The following SHROOM3 variants were observed in gnomAD, a reference collection of about 807,000 sequenced individuals.
SHROOM3 encodes shroom family member 3, also known as protein Shroom3.
A neutral mutation model predicts 138.6 loss-of-function variants in SHROOM3; 47 were observed. The observed-to-expected ratio is 0.34, with a 90% CI of 0.27 to 0.43. The LOEUF is 0.43. Ranked by LOEUF, SHROOM3 falls within the 20% of genes least tolerant of loss-of-function variation. The probability of loss-of-function intolerance (pLI) is 1.00; values close to 1 mark genes in which losing one functional copy is unlikely to be tolerated. For synonymous variants in SHROOM3, 1,062 were observed against 1,063.3 expected, an observed-to-expected ratio of 1.00 and a Z score of 0.02; for missense variants, 2,491 against 2,596.5, an observed-to-expected ratio of 0.96 and a Z score of 0.88.
At chr4:76,441,096 T>G (rs1454920228) in intron 1 of SHROOM3, among the ~76,000 whole-genome samples, 149 of 134,854 alleles carry the variant, frequency 1.1e-3, no homozygotes, top group African/African-American at 3.8e-3. Flanking sequence ...GTTTTTTTTT[T>G]TTTTTTTTTT....
chr4:76,499,453 T>G (rs1732044220), intron 1 of SHROOM3, among the ~76,000 whole-genome samples: 1 of 141,378 alleles, frequency 7.1e-6, no homozygotes, highest in Admixed American at 7.2e-5. Flanking sequence ...TAGAATAGGA[T>G]TTTAAAATGT....
intron 2 of SHROOM3, among the ~76,000 whole-genome samples, chr4:76,587,836 A>G (rs1734185012): frequency 6.6e-6 from 1 of 152,238 alleles, no homozygotes; most frequent in Non-Finnish European, 1.5e-5. Flanking sequence ...GTAGACACAA[A>G]GTGAATTTAT....
chr4:76,659,581 C>CATTT (rs375520866), intron 2 of SHROOM3, among the ~76,000 whole-genome samples: 11 of 152,046 alleles, frequency 7.2e-5, no homozygotes, highest in African/African-American at 1.7e-4. Context: ...CTTTCAGAAG[C>CATTT]ATTTATTTAT....
At chr4:76,638,037 A>T (rs1452919357) in intron 2 of SHROOM3, among the ~76,000 whole-genome samples, 1 of 152,160 alleles carries the variant, frequency 6.6e-6, no homozygotes, top group Non-Finnish European at 1.5e-5. Flanking sequence ...TATGAGCTGG[A>T]CACCTAAGAG....
At chr4:76,592,090 A>C (rs1734285487) in intron 2 of SHROOM3, among the ~76,000 whole-genome samples, 1 of 152,240 alleles carries the variant, frequency 6.6e-6, no homozygotes, top group Middle Eastern at 3.2e-3. Flanking sequence ...CCTGCTAAGA[A>C]GATGATATTT....
intron 3 of SHROOM3, among the ~76,000 whole-genome samples, chr4:76,719,100 T>A (rs2074000429): frequency 6.6e-6 from 1 of 152,072 alleles, no homozygotes; most frequent in South Asian, 2.1e-4. Flanking sequence ...CTGGGAAAGC[T>A]CCCAGACATC....
rs370811380 is a variant in SHROOM3 at position 76,740,788 on chromosome 4, C to T, written c.2615C>T (p.Ser872Leu). ...PCGQQLSGGA[S>L]DSGRGPQRPD... is the part of the protein sequence containing the mutation. ...GGTCAGCAGCTGAGCGGAGGAGCGT[C>T]GGACAGCGGCCGTGGCCCCCAGAGG... is the stretch of plus-strand genomic sequence containing the variant. The change falls in exon 5 of 11, where the codon TCG becomes TTG. Residue 872 changes from serine (S) to leucine (L), a missense_variant. This residue lies in a region of SHROOM3 where 1,733 missense variants were observed against 1,661.6 expected (regional missense o/e 1.04). Transcript: ENST00000296043. The surrounding 1 kb of genome is among the most constrained non-coding windows in gnomAD (Gnocchi z 4.0). 3.1e-6 allele frequency: 5 copies of T among 1,611,084 alleles called. No individual in the cohort carries two copies. Among genetic ancestry groups the T allele is most frequent in the Admixed American group, 1.7e-5 (1 of 59,946 alleles).
At chr4:76,761,190 A>ATC (rs1389363082) in intron 9 of SHROOM3, among the ~76,000 whole-genome samples, 9 of 147,852 alleles carry the variant, frequency 6.1e-5, no homozygotes, top group Non-Finnish European at 1.0e-4. Context: ...CTTTCCTTCC[A>ATC]ACCCTCTTTT....
chr4:76,741,693 T>C lies in SHROOM3; in HGVS notation c.3520T>C (p.Phe1174Leu), dbSNP rs1376160571. ...QQAPRDRSSS[F>L]AGGRRLGERR... is the part of the protein sequence containing the mutation. ...GGCTCCCCGAGATCGCAGCAGCTCC[T>C]TCGCCGGTGGCCGCCGCCTCGGGGA... The change falls in exon 5 of 11, where the codon TTC (phenylalanine) becomes CTC (leucine). Residue 1174 changes from phenylalanine (F) to leucine (L), a missense_variant. Transcript: ENST00000296043. This position sits in a 1 kb window ranked among gnomAD's most constrained non-coding sequence, Gnocchi z 6.2. 6.4e-7 allele frequency: 1 copy of C among 1,552,440 alleles called. No individual in the cohort carries two copies. Among genetic ancestry groups the C allele is most frequent in the Non-Finnish European group, 8.7e-7 (1 of 1,150,206 alleles).
In SHROOM3 at chr4:76,464,406, A is replaced by AT. The variant is rs1191709322; in HGVS notation, c.168+28198dup. 5.2e-3 allele frequency among the ~76,000 whole-genome samples: 776 copies of AT among 148,110 alleles called. 5 individuals are homozygous for AT. Among genetic ancestry groups the AT allele is most frequent in the African/African-American group, 0.016 (639 of 40,536 alleles). On this transcript the variant is annotated intron_variant, in intron 1 of 10. Transcript: ENST00000296043. ...CCCCATTGTATCTTGGAAGTAACTAATTTTTTTTTTTTAATTTTATAGGCT... is the reference window on the plus strand; with the variant it reads ...CCCCATTGTATCTTGGAAGTAACTAATTTTTTTTTTTTTAATTTTATAGGCT...
chr4:76,595,938 T>A (rs1264569300), intron 2 of SHROOM3, among the ~76,000 whole-genome samples: 2 of 152,246 alleles, frequency 1.3e-5, no homozygotes, highest in African/African-American at 4.8e-5. Flanking sequence ...TTGCAGTTGT[T>A]AATCTGGGAT....
At chr4:76,626,939 C>T (rs562997260) in intron 2 of SHROOM3, among the ~76,000 whole-genome samples, 6 of 152,144 alleles carry the variant, frequency 3.9e-5, no homozygotes, top group Non-Finnish European at 5.9e-5. Context: ...CCAACAACAG[C>T]CTTCTTGAAT....
chr4:76,652,437 T>C (rs1011138396), intron 2 of SHROOM3, among the ~76,000 whole-genome samples: 2 of 152,184 alleles, frequency 1.3e-5, no homozygotes, highest in African/African-American at 2.4e-5. Flanking sequence ...GCCTCTGTCA[T>C]GCACCCATCT....
chr4:76,765,011 A>C (rs1342712356), intron 9 of SHROOM3, among the ~76,000 whole-genome samples: 2 of 149,438 alleles, frequency 1.3e-5, no homozygotes, highest in Non-Finnish European at 3.0e-5. Flanking sequence ...AGCTCCATTC[A>C]TTTTTTTTTA....
At chr4:76,586,188 G>A in intron 2 of SHROOM3, 6 of 935,138 alleles carry the variant, frequency 6.4e-6, no homozygotes, top group Non-Finnish European at 7.7e-6. Flanking sequence ...GATTGGCCGG[G>A]AGGAGGCAGT....
At chr4:76,622,484 A>G (rs1212601525) in intron 2 of SHROOM3, among the ~76,000 whole-genome samples, 3 of 151,986 alleles carry the variant, frequency 2.0e-5, no homozygotes, top group African/African-American at 7.3e-5. Flanking sequence ...TAAATATTTA[A>G]CCATTCACCA....
chr4:76,566,997 G>A (rs1337070711), intron 2 of SHROOM3, among the ~76,000 whole-genome samples: 3 of 152,204 alleles, frequency 2.0e-5, no homozygotes, highest in African/African-American at 7.2e-5. Flanking sequence ...GGCCCGTGCC[G>A]CTGTCTGTAG....
At chr4:76,657,594 C>G (rs1367026728) in intron 2 of SHROOM3, among the ~76,000 whole-genome samples, 1 of 152,178 alleles carries the variant, frequency 6.6e-6, no homozygotes, top group Admixed American at 6.5e-5. Context: ...GCTCTGCTCT[C>G]CTAATGTTCC....
At chr4:76,436,483 A>C (rs1730566953) in intron 1 of SHROOM3, among the ~76,000 whole-genome samples, 3 of 152,218 alleles carry the variant, frequency 2.0e-5, no homozygotes, top group African/African-American at 7.2e-5. Flanking sequence ...GCATACAATC[A>C]GTTACCACAT....
Sources: gnomAD v4.1 joint callset for allele counts (sites outside exome capture counted in the v4.1 genomes callset) on GRCh38, gnomAD v4.1.1 for gene constraint, gnomAD v4.1.1 regional missense constraint, Gnocchi (gnomAD v3.1) non-coding constraint, MANE v1.5 for transcripts, NCBI Gene and HGNC (gene_info 2026-07-23, HGNC 2026-07-21) for gene names.